The following SBF2 variants were observed in gnomAD, a reference collection of about 807,000 sequenced individuals.
SBF2 encodes SET binding factor 2.
SBF2 carries 112 observed loss-of-function variants against 225.2 expected under a neutral mutation model. That is an observed-to-expected ratio of 0.50 (90% CI 0.43 to 0.58). SBF2 has a LOEUF of 0.58. Ranked by LOEUF, SBF2 falls within the 20% of genes least tolerant of loss-of-function variation. The probability of loss-of-function intolerance (pLI) is 0.00; values close to 1 mark genes in which losing one functional copy is unlikely to be tolerated. For synonymous variants in SBF2, 763 were observed against 773.3 expected (o/e 0.99, Z 0.22); for missense variants, 1,996 against 2,206.2 (o/e 0.90, Z 1.91).
intron 28 of SBF2, chr11:9,828,104 TTA>T: frequency 7.9e-7 from 1 of 1,266,058 alleles, no homozygotes; most frequent in Non-Finnish European, 1.0e-6. Context: ...CAGTGCTCAG[TTA>T]TAAAATCAAT....
intron 17 of SBF2, among the ~76,000 whole-genome samples, chr11:9,891,013 G>A (rs892131267): frequency 6.6e-6 from 1 of 152,138 alleles, no homozygotes; most frequent in African/African-American, 2.4e-5. Flanking sequence ...GTGGGCACCT[G>A]TAATCCCGGC....
intron 25 of SBF2, among the ~76,000 whole-genome samples, chr11:9,840,521 G>A (rs1270120006): frequency 6.6e-6 from 1 of 152,134 alleles, no homozygotes; most frequent in Non-Finnish European, 1.5e-5. Flanking sequence ...ACACTGTTCT[G>A]TTTCATGAAG....
At chr11:10,158,025 A>G (rs1218751821) in intron 2 of SBF2, among the ~76,000 whole-genome samples, 1 of 152,246 alleles carries the variant, frequency 6.6e-6, no homozygotes, top group East Asian at 1.9e-4. Context: ...TTAGAAATCA[A>G]TAATGGGAGG....
rs1333234244 is a variant in SBF2, at chr11:10,253,474, CT to C, written c.55+40540del. On this transcript the variant is annotated intron_variant, in intron 1 of 39. Coordinates refer to ENST00000256190, the MANE Select transcript of SBF2 (RefSeq NM_030962.4). ...ATTTTAACTGCTTGGAAACGCTTTT[CT>C]TAATTTCTTTTTGTTCCTGGATATA... 3.3e-5 allele frequency among the ~76,000 whole-genome samples: 5 copies of C among 152,212 alleles called. No individual in the cohort carries two copies. In the South Asian group the frequency reaches 8.3e-4, roughly 25 times the overall value.
intron 29 of SBF2, 132 bp downstream of exon 29, chr11:9,816,708 T>C: frequency 4.5e-6 from 3 of 672,076 alleles, no homozygotes; most frequent in South Asian, 3.0e-5. Context: ...AGCTAAATTT[T>C]TTGAGATTAT....
chr11:9,877,366 A>G (rs1454884907), intron 17 of SBF2, among the ~76,000 whole-genome samples: 1 of 152,208 alleles, frequency 6.6e-6, no homozygotes, highest in African/African-American at 2.4e-5. Flanking sequence ...AGGTTTTAAA[A>G]ACTAAACATG....
intron 2 of SBF2, among the ~76,000 whole-genome samples, chr11:10,190,848 A>G (rs1957138365): frequency 6.6e-6 from 1 of 152,194 alleles, no homozygotes; most frequent in South Asian, 2.1e-4. Flanking sequence ...CATTTACACT[A>G]AAAGACTAAC....
In SBF2 at chr11:9,801,984, C is replaced by T. The variant is rs572616891; in HGVS notation, c.4443+6016G>A. ...CATAAGGTAACCATGAGGAGAATCA[C>T]ATAAAGCCAGACCAAAGTGAATCAA... is the stretch of plus-strand genomic sequence containing the variant. On this transcript the variant is annotated intron_variant, in intron 32 of 39. Transcript: ENST00000256190. Among the ~76,000 whole-genome samples the T allele has an allele frequency of 9.8e-5, 15 of 152,314 alleles. No homozygotes were observed. In the South Asian group the frequency reaches 3.1e-3, roughly 32 times the overall value.
chr11:9,967,947 G>GTCTGTCTGTCTGTCTCTCTC (rs57976016), intron 14 of SBF2, among the ~76,000 whole-genome samples: 3 of 100,252 alleles, frequency 3.0e-5, no homozygotes, highest in African/African-American at 1.2e-4. Context: ...CTGTCTGTCT[G>GTCTGTCTGTCTGTCTCTCTC]TCTCTCTCTC....
intron 2 of SBF2, among the ~76,000 whole-genome samples, chr11:10,173,650 G>C (rs1565316298): frequency 6.6e-6 from 1 of 152,124 alleles, no homozygotes; most frequent in Non-Finnish European, 1.5e-5. Context: ...GAACTGGGTG[G>C]AGCCCACCAC....
chr11:10,189,754 C>T (rs1957086317), intron 2 of SBF2, among the ~76,000 whole-genome samples: 1 of 152,186 alleles, frequency 6.6e-6, no homozygotes, highest in African/African-American at 2.4e-5. Context: ...AAATCAGGTA[C>T]ATCTAACAAA....
intron 1 of SBF2, among the ~76,000 whole-genome samples, chr11:10,194,231 A>C (rs1957283985): frequency 6.6e-6 from 1 of 152,246 alleles, no homozygotes; most frequent in South Asian, 2.1e-4. Flanking sequence ...TTGGGATGAA[A>C]AAAACAATAA....
At chr11:9,790,847 G>A (rs1383264445) in intron 33 of SBF2, 164 bp from the exon 34 acceptor site, 4 of 562,268 alleles carry the variant, frequency 7.1e-6, no homozygotes, top group Non-Finnish European at 1.2e-5. Flanking sequence ...GCTAAAGACC[G>A]GAATGAATTT....
intron 16 of SBF2, chr11:9,928,812 C>T (rs573958470): frequency 9.2e-5 from 19 of 207,606 alleles, no homozygotes; most frequent in African/African-American, 3.2e-4. Flanking sequence ...ATGTTTTATA[C>T]ATCATTTTAA....
intron 2 of SBF2, among the ~76,000 whole-genome samples, chr11:10,172,905 T>G (rs1414051477): frequency 1.3e-5 from 2 of 152,156 alleles, no homozygotes; most frequent in Non-Finnish European, 2.9e-5. Context: ...CGATCTCCAC[T>G]GACCCGCCCA....
chr11:10,182,442 T>C (rs11042653), intron 2 of SBF2, among the ~76,000 whole-genome samples: 14,506 of 152,258 alleles, frequency 0.095, 945 homozygotes, highest in East Asian at 0.28. Flanking sequence ...GTATTCTTTC[T>C]TGCATATCAC....
chr11:10,104,013 G>A (rs986777777), intron 2 of SBF2, among the ~76,000 whole-genome samples: 4 of 151,910 alleles, frequency 2.6e-5, no homozygotes, highest in African/African-American at 7.3e-5. Context: ...TGCCCAGGAG[G>A]TGGAGGTTGC....
chr11:9,832,245 A>G lies in SBF2; in HGVS notation c.3631T>C (p.Ser1211Pro), dbSNP rs202077715. 7 of 1,612,406 alleles carry G rather than the reference A, an allele frequency of 4.3e-6. No homozygotes were observed. The East Asian group carries it at 1.6e-4, about 36-fold the overall frequency. The change falls in exon 27 of 40, where the codon TCT (serine) becomes CCT (proline). Residue 1211 changes from serine to proline, a missense_variant. By Grantham distance (74) the Ser-to-Pro change is moderately conservative. Coordinates refer to ENST00000256190, the MANE Select transcript of SBF2 (RefSeq NM_030962.4). The stretch of plus-strand genomic sequence containing the variant: ...TTACCGGCCTGAGGGGAGTTCTGAG[A>G]TTTGAAAAGACCAACGACTCCCTTC... ...HGKGVVGLFK[S>P]QNSPQAAPTS...
intron 1 of SBF2, among the ~76,000 whole-genome samples, chr11:10,247,980 CT>C (rs1348613728): frequency 2.0e-5 from 3 of 152,162 alleles, no homozygotes; most frequent in Non-Finnish European, 4.4e-5. Flanking sequence ...ATAAAAATGT[CT>C]TCAAAAGTGT....
Sources: allele counts gnomAD v4.1 joint callset (sites outside exome capture counted in the v4.1 genomes callset), GRCh38; gene constraint gnomAD v4.1.1; transcripts MANE v1.5; gene names NCBI Gene and HGNC (gene_info 2026-07-23, HGNC 2026-07-21).